Variants in PARD3B observed in about 807,000 individuals in gnomAD.
PARD3B encodes par-3 family cell polarity regulator beta.
A neutral mutation model predicts 130.2 loss-of-function variants in PARD3B; 103 were observed. The ratio of observed to expected loss-of-function variants is 0.79; its 90% confidence interval spans 0.67 to 0.93. The LOEUF (loss-of-function observed/expected upper bound fraction) is 0.93. Ranked by LOEUF, PARD3B falls within the 40% of genes least tolerant of loss-of-function variation. The probability of loss-of-function intolerance (pLI) is 0.00; values close to 1 mark genes in which losing one functional copy is unlikely to be tolerated. For missense variants in PARD3B, 1,609 were observed against 1,499.2 expected, an observed-to-expected ratio of 1.07 and a Z score of -1.21; for synonymous variants, 583 against 553.2, an observed-to-expected ratio of 1.05 and a Z score of -0.76.
At chr2:204,595,927 C>T (rs1319921285) in intron 1 of PARD3B, among the ~76,000 whole-genome samples, 2 of 152,240 alleles carry the variant, frequency 1.3e-5, no homozygotes, top group East Asian at 3.8e-4. Flanking sequence ...ATTCAGCAAA[C>T]TTCTTTTTTT....
intron 21 of PARD3B, among the ~76,000 whole-genome samples, chr2:205,520,250 A>G (rs1404182295): frequency 6.6e-6 from 1 of 152,224 alleles, no homozygotes; most frequent in African/African-American, 2.4e-5. Context: ...CTGTGCTGCA[A>G]GCCCAAGCCA....
intron 18 of PARD3B, among the ~76,000 whole-genome samples, chr2:205,377,224 G>C (rs1168006960): frequency 6.6e-6 from 1 of 152,048 alleles, no homozygotes; most frequent in African/African-American, 2.4e-5. Flanking sequence ...GAAGAGAGTG[G>C]GTAGATGTTT....
intron 2 of PARD3B, among the ~76,000 whole-genome samples, chr2:204,708,507 T>C (rs1195360255): frequency 6.6e-6 from 1 of 152,246 alleles, no homozygotes; most frequent in African/African-American, 2.4e-5. Flanking sequence ...ATTCGGGTTT[T>C]AGAATTCTTT....
At chr2:205,601,530 T>C (rs935799311) in intron 22 of PARD3B, among the ~76,000 whole-genome samples, 4 of 152,218 alleles carry the variant, frequency 2.6e-5, no homozygotes, top group Non-Finnish European at 4.4e-5. Flanking sequence ...ATTTTTGCTT[T>C]TGTGGCAATT....
In PARD3B at chr2:204,798,402, C is replaced by T. The variant is rs187992865; in HGVS notation, c.222+112120C>T. Among the ~76,000 whole-genome samples the T allele has an allele frequency of 2.4e-3, 358 of 152,260 alleles. 2 individuals are homozygous for T. Among genetic ancestry groups the T allele is most frequent in the African/African-American group, 8.2e-3 (341 of 41,556 alleles). On this transcript the variant is annotated intron_variant, in intron 2 of 22. Coordinates refer to ENST00000406610, the MANE Select transcript of PARD3B (RefSeq NM_001302769.2). ...GTCCATCCCCTGAGCTTCTGCCAGC[C>T]CCCCCACAGCAGGCTAAAGCACTCC...
chr2:205,399,613 C>T (rs1464574357), intron 18 of PARD3B, among the ~76,000 whole-genome samples: 2 of 152,144 alleles, frequency 1.3e-5, no homozygotes, highest in Admixed American at 6.5e-5. Context: ...CCTTGGCCTC[C>T]CAAAGTGCTG....
intron 13 of PARD3B, among the ~76,000 whole-genome samples, chr2:205,177,449 A>C (rs2035537968): frequency 6.6e-6 from 1 of 152,246 alleles, no homozygotes; most frequent in South Asian, 2.1e-4. Context: ...TTAATAGCAC[A>C]TTATATGCCT....
At chr2:204,953,416 C>CAG in intron 2 of PARD3B, among the ~76,000 whole-genome samples, 1 of 100,982 alleles carries the variant, frequency 9.9e-6, no homozygotes, top group Non-Finnish European at 1.9e-5. Context: ...AACATACACA[C>CAG]ACACAGAGAG....
intron 2 of PARD3B, among the ~76,000 whole-genome samples, chr2:204,770,298 T>C (rs979094439): frequency 8.2e-5 from 10 of 122,368 alleles, no homozygotes; most frequent in African/African-American, 3.2e-4. Flanking sequence ...TCAGTTTCCA[T>C]GTAGTTGAGC....
intron 21 of PARD3B, among the ~76,000 whole-genome samples, chr2:205,503,621 T>A (rs1559154938): frequency 6.6e-6 from 1 of 152,180 alleles, no homozygotes; most frequent in African/African-American, 2.4e-5. Context: ...CCTCCAGCTT[T>A]GTTCTTTTGT....
chr2:204,636,545 T>C (rs925285700), intron 1 of PARD3B, among the ~76,000 whole-genome samples: 1 of 151,970 alleles, frequency 6.6e-6, no homozygotes, highest in Non-Finnish European at 1.5e-5. Context: ...CTTGATGCCA[T>C]GTTTATCTAC....
chr2:205,301,504 T>C lies in PARD3B; in HGVS notation c.2433T>C (p.Ala811=). Residue 811 remains alanine, a synonymous_variant, in exon 18 of 23, where the codon GCT becomes GCC. Coordinates refer to ENST00000406610, the MANE Select transcript of PARD3B (RefSeq NM_001302769.2). This position sits in a 1 kb window ranked among gnomAD's most constrained non-coding sequence, Gnocchi z 5.2. ...AGAGCTCTCACTCTGGCCAAGGAGC[T>C]CTGAATTGTGAGTCTGCCCCTCAGG... is the stretch of plus-strand genomic sequence containing the variant. The part of the protein sequence containing the change: ...SDKSSHSGQG[A]LNCESAPQGN... 6.2e-7 allele frequency: 1 copy of C among 1,613,780 alleles called. No individual in the cohort carries two copies. Among genetic ancestry groups the C allele is most frequent in the Non-Finnish European group, 8.5e-7 (1 of 1,179,974 alleles).
intron 1 of PARD3B, among the ~76,000 whole-genome samples, chr2:204,556,647 G>A (rs2030942464): frequency 6.6e-6 from 1 of 152,134 alleles, no homozygotes; most frequent in Admixed American, 6.5e-5. Context: ...CACTAATTTG[G>A]ACCAGATGCT....
chr2:204,912,798 C>T (rs1443812389), intron 2 of PARD3B, among the ~76,000 whole-genome samples: 1 of 152,154 alleles, frequency 6.6e-6, no homozygotes, highest in Non-Finnish European at 1.5e-5. Flanking sequence ...ATTCTTCCTT[C>T]TCTTAACATT....
chr2:204,939,507 A>G (rs1236061596), intron 2 of PARD3B, among the ~76,000 whole-genome samples: 1 of 152,218 alleles, frequency 6.6e-6, no homozygotes, highest in Non-Finnish European at 1.5e-5. Flanking sequence ...TAAATCAAGG[A>G]ATAACAGAGA....
At chr2:204,680,887 A>T (rs116729962) in intron 1 of PARD3B, among the ~76,000 whole-genome samples, 2 of 152,134 alleles carry the variant, frequency 1.3e-5, no homozygotes, top group African/African-American at 2.4e-5. Flanking sequence ...TTCCATGTAC[A>T]CTTATAAAGT....
At chr2:205,155,318 C>G (rs1481800229) in intron 10 of PARD3B, among the ~76,000 whole-genome samples, 1 of 152,146 alleles carries the variant, frequency 6.6e-6, no homozygotes, top group East Asian at 1.9e-4. Context: ...CTTTCCCAGA[C>G]TCCTTTAAGA....
At chr2:204,813,172 T>C (rs1400080700) in intron 2 of PARD3B, among the ~76,000 whole-genome samples, 1 of 152,212 alleles carries the variant, frequency 6.6e-6, no homozygotes, top group African/African-American at 2.4e-5. Flanking sequence ...CTCACACCAA[T>C]ATTGGAGTTC....
rs911971492 is a variant in PARD3B, at chr2:205,036,220, T to A, written c.395-11361T>A. 9.2e-4 allele frequency among the ~76,000 whole-genome samples: 133 copies of A among 144,222 alleles called. 1 individual carries two copies. The highest frequency in any genetic ancestry group is 6.0e-5 in the Non-Finnish European group (4 of 66,246). 94.6% of individuals were successfully genotyped at this position (144,222 alleles called of 152,430 possible). Reference sequence around the variant, plus strand: ...TATAGTGGACTATATATATAAAATATGTATATAGTGGGCTATATATATAAA... The same window carrying A: ...TATAGTGGACTATATATATAAAATAAGTATATAGTGGGCTATATATATAAA... On this transcript the variant is annotated intron_variant, in intron 3 of 22. Coordinates refer to ENST00000406610, the MANE Select transcript of PARD3B (RefSeq NM_001302769.2).
Sources: allele counts gnomAD v4.1 joint callset (sites outside exome capture counted in the v4.1 genomes callset), GRCh38; gene constraint gnomAD v4.1.1; non-coding constraint Gnocchi (gnomAD v3.1); transcripts MANE v1.5; gene names NCBI Gene and HGNC (gene_info 2026-07-23, HGNC 2026-07-21).